TAFA5: variants seen among roughly 807,000 people sequenced by gnomAD.
TAFA5 encodes the protein chemokine-like protein TAFA-5.
Under a neutral mutation model 15.3 loss-of-function variants are expected in TAFA5, and 6 were observed. The ratio of observed to expected loss-of-function variants is 0.39; its 90% CI spans 0.21 to 0.77. The LOEUF is 0.77. Ranked by LOEUF, TAFA5 falls within the 30% of genes least tolerant of loss-of-function variation. The pLI is 0.41. For missense variants in TAFA5, 161 were observed against 193.1 expected (o/e 0.83, Z 0.98); for synonymous variants, 103 against 80.7 (o/e 1.28, Z -1.48).
At chr22:48,688,982 A>T (rs1928450179) in intron 2 of TAFA5, among the ~76,000 whole-genome samples, 1 of 133,128 alleles carries the variant, frequency 7.5e-6, no homozygotes, top group Admixed American at 7.9e-5. Context: ...ACAGAGCAAG[A>T]CTTGTCTCGG....
In TAFA5 at chr22:48,490,997, C is replaced by G. The variant is rs945670735; in HGVS notation, c.112+1293C>G. 6.6e-6 allele frequency among the ~76,000 whole-genome samples: 1 copy of G among 152,154 alleles called. No individual in the cohort carries two copies. The highest frequency in any genetic ancestry group is 1.5e-5 in the Non-Finnish European group (1 of 68,032). ...CGCAAGGGAAACCCGGGGACCAGAG[C>G]AGGAATTTTCCTACTTGCTTCAGCG... On this transcript the variant is annotated intron_variant, in intron 1 of 3. Coordinates refer to ENST00000402357, the MANE Select transcript of TAFA5 (RefSeq NM_001082967.3). This position sits in a 1 kb window ranked among gnomAD's most constrained non-coding sequence, Gnocchi z 5.8.
At chr22:48,668,429 GC>G (rs1927691634) in intron 2 of TAFA5, among the ~76,000 whole-genome samples, 1 of 25,396 alleles carries the variant, frequency 3.9e-5, no homozygotes, top group Non-Finnish European at 5.5e-5. Context: ...TTCACTGGGA[GC>G]TGTAATCCCC....
chr22:48,565,763 T>C (rs1569027850), intron 1 of TAFA5, among the ~76,000 whole-genome samples: 1 of 152,240 alleles, frequency 6.6e-6, no homozygotes, highest in Non-Finnish European at 1.5e-5. Flanking sequence ...GGGACTAGAA[T>C]TGCCTTGGAG....
intron 3 of TAFA5, among the ~76,000 whole-genome samples, chr22:48,725,780 G>T (rs1038449810): frequency 6.6e-6 from 1 of 150,710 alleles, no homozygotes; most frequent in Non-Finnish European, 1.5e-5. Context: ...GAAGTTGGTA[G>T]ATCTGGAGGA....
chr22:48,634,678 C>G (rs1926381182), intron 1 of TAFA5, among the ~76,000 whole-genome samples: 1 of 88,718 alleles, frequency 1.1e-5, no homozygotes. Flanking sequence ...CTGAGTCACT[C>G]AGTCAATCAC....
intron 2 of TAFA5, among the ~76,000 whole-genome samples, chr22:48,679,305 G>T (rs111166643): frequency 4.8e-4 from 4 of 8,408 alleles, no homozygotes; most frequent in East Asian, 3.2e-3. Context: ...ATCCCTCTCC[G>T]GGCTCCCCGT....
intron 1 of TAFA5, among the ~76,000 whole-genome samples, chr22:48,521,794 G>C (rs900955669): frequency 6.6e-6 from 1 of 152,204 alleles, no homozygotes; most frequent in Non-Finnish European, 1.5e-5. Context: ...CTCATCTGTG[G>C]GTGCTGTTGA....
chr22:48,619,973 T>C (rs1311303832), intron 1 of TAFA5, among the ~76,000 whole-genome samples: 13 of 152,230 alleles, frequency 8.5e-5, no homozygotes, highest in Non-Finnish European at 5.9e-5. Context: ...GGCTGTGACA[T>C]GTGGGTTGGA....
At chr22:48,539,118 A>G (rs1054360930) in intron 1 of TAFA5, 4 of 263,848 alleles carry the variant, frequency 1.5e-5, no homozygotes, top group African/African-American at 8.8e-5. Flanking sequence ...CCGGGGAGAG[A>G]AGTATCCTGG....
chr22:48,673,634 T>G (rs907863613), intron 2 of TAFA5, among the ~76,000 whole-genome samples: 1 of 152,092 alleles, frequency 6.6e-6, no homozygotes, highest in Non-Finnish European at 1.5e-5. Context: ...CTGTGTACTG[T>G]GTGTAGGGCT....
At chr22:48,528,263 G>A (rs978498317) in intron 1 of TAFA5, among the ~76,000 whole-genome samples, 1 of 152,200 alleles carries the variant, frequency 6.6e-6, no homozygotes, top group South Asian at 2.1e-4. Flanking sequence ...GGGCCTGGGG[G>A]CTGCTGCAGA....
chr22:48,564,999 G>C (rs533435456), intron 1 of TAFA5, among the ~76,000 whole-genome samples: 2 of 152,334 alleles, frequency 1.3e-5, no homozygotes, highest in South Asian at 4.1e-4. Context: ...AAAATGCACG[G>C]CCCCACACCT....
intron 2 of TAFA5, among the ~76,000 whole-genome samples, chr22:48,648,828 A>AGAC (rs35901536): frequency 0.45 from 67,918 of 151,860 alleles, 15,536 homozygotes; most frequent in South Asian, 0.57. Context: ...ACTCTGTCTC[A>AGAC]AAAAAACAAA....
At chr22:48,743,689 C>T (rs1930246695) in intron 3 of TAFA5, among the ~76,000 whole-genome samples, 1 of 152,190 alleles carries the variant, frequency 6.6e-6, no homozygotes, top group Non-Finnish European at 1.5e-5. Flanking sequence ...CGTGGGCAGC[C>T]GAGGCGCTGA....
chr22:48,676,035 G>A (rs1324422647), intron 2 of TAFA5, among the ~76,000 whole-genome samples: 1 of 152,206 alleles, frequency 6.6e-6, no homozygotes, highest in South Asian at 2.1e-4. Flanking sequence ...CAGGCAGTGG[G>A]CCTTGGCTGG....
At chr22:48,523,706 C>T (rs562874051) in intron 1 of TAFA5, among the ~76,000 whole-genome samples, 5 of 152,222 alleles carry the variant, frequency 3.3e-5, no homozygotes, top group Admixed American at 6.5e-5. Context: ...AGGAAGGAGC[C>T]GCTCCCAGGA....
intron 1 of TAFA5, among the ~76,000 whole-genome samples, chr22:48,546,029 C>T (rs986881543): frequency 7.2e-5 from 11 of 152,148 alleles, no homozygotes; most frequent in African/African-American, 1.4e-4. Context: ...CGTCGCTGGG[C>T]GGGAGGAGAG....
intron 3 of TAFA5, among the ~76,000 whole-genome samples, chr22:48,732,878 G>T (rs1298219155): frequency 6.6e-6 from 1 of 152,162 alleles, no homozygotes; most frequent in East Asian, 1.9e-4. Flanking sequence ...ATCGCGGCAA[G>T]ACCCTCCACC....
chr22:48,658,816 G>A (rs1927336670), intron 2 of TAFA5, among the ~76,000 whole-genome samples: 1 of 152,242 alleles, frequency 6.6e-6, no homozygotes, highest in Non-Finnish European at 1.5e-5. Flanking sequence ...TGGCCACAGT[G>A]TGGCCTCTTG....
Sources: gnomAD v4.1 joint callset for allele counts (sites outside exome capture counted in the v4.1 genomes callset) on GRCh38, gnomAD v4.1.1 for gene constraint, Gnocchi (gnomAD v3.1) non-coding constraint, MANE v1.5 for transcripts, NCBI Gene and HGNC (gene_info 2026-07-23, HGNC 2026-07-21) for gene names.